FMN1: variants seen among roughly 807,000 people sequenced by gnomAD.
FMN1 encodes formin 1.
In FMN1, 110 loss-of-function variants were observed where a neutral mutation model predicts 132.4. The ratio of observed to expected loss-of-function variants is 0.83; its 90% CI spans 0.71 to 0.97. The LOEUF (loss-of-function observed/expected upper bound fraction) is 0.97. Ranked by LOEUF, FMN1 falls within the 50% of genes least tolerant of loss-of-function variation. The pLI, the probability that FMN1 is intolerant of heterozygous loss-of-function variation, is 0.00. For synonymous variants in FMN1, 722 were observed against 651.7 expected (o/e 1.11, Z -1.64); for missense variants, 1,792 against 1,705.3 (o/e 1.05, Z -0.90).
At chr15:32,921,692 TC>T (rs2060828367) in intron 10 of FMN1, among the ~76,000 whole-genome samples, 1 of 149,810 alleles carries the variant, frequency 6.7e-6, no homozygotes. Context: ...TTTTTTTTTT[TC>T]GAGATAAGAG....
chr15:33,097,089 T>C (rs2141394289), intron 4 of FMN1, among the ~76,000 whole-genome samples: 1 of 151,724 alleles, frequency 6.6e-6, no homozygotes, highest in East Asian at 1.9e-4. Flanking sequence ...AGCTCACGAG[T>C]TCAAGACCAG....
chr15:33,191,711 A>G (rs1190081957), intron 2 of FMN1, among the ~76,000 whole-genome samples: 2 of 152,208 alleles, frequency 1.3e-5, no homozygotes, highest in Non-Finnish European at 2.9e-5. Flanking sequence ...CCGCTTTAGT[A>G]ATTACTATTT....
intron 5 of FMN1, among the ~76,000 whole-genome samples, chr15:33,069,590 C>T (rs2037904321): frequency 2.0e-5 from 3 of 152,168 alleles, no homozygotes. Flanking sequence ...CCATGTTCTT[C>T]AGTACTAAAA....
chr15:32,941,924 G>A (rs187743049), intron 9 of FMN1, among the ~76,000 whole-genome samples: 13 of 152,288 alleles, frequency 8.5e-5, no homozygotes, highest in Admixed American at 5.2e-4. Flanking sequence ...AGAGTCAGCT[G>A]AACTTGGCAG....
intron 15 of FMN1, among the ~76,000 whole-genome samples, chr15:32,896,734 C>T (rs765162860): frequency 5.3e-5 from 8 of 152,106 alleles, no homozygotes; most frequent in African/African-American, 7.2e-5. Flanking sequence ...TTGCAGCATA[C>T]GACAGAATTT....
At chr15:32,788,748 C>G (rs1410849974) in intron 19 of FMN1, among the ~76,000 whole-genome samples, 1 of 152,222 alleles carries the variant, frequency 6.6e-6, no homozygotes, top group Non-Finnish European at 1.5e-5. Flanking sequence ...GACAGATGCT[C>G]TCTAAGGTTT....
Position 33,107,771 on chromosome 15 carries a change from G to A in FMN1, c.1868-18797C>T, listed in dbSNP as rs73378566. Among the ~76,000 whole-genome samples, 635 of 152,194 alleles carry A rather than the reference G, an allele frequency of 4.2e-3. 3 individuals carry two copies. Among genetic ancestry groups the A allele is most frequent in the African/African-American group, 0.015 (614 of 41,562 alleles). ...TTACCTGAAACTAAATAATGAATGAGTCTCAAAATCAACTCTAGCAATGCA... is the reference window on the plus strand; with the variant it reads ...TTACCTGAAACTAAATAATGAATGAATCTCAAAATCAACTCTAGCAATGCA... On this transcript the variant is annotated intron_variant, in intron 4 of 20. Transcript: ENST00000616417.
intron 17 of FMN1, among the ~76,000 whole-genome samples, chr15:32,821,128 G>A (rs1032796222): frequency 1.6e-5 from 2 of 125,990 alleles, no homozygotes; most frequent in African/African-American, 2.8e-5. Flanking sequence ...TTTTCTAAGA[G>A]ATAATCAGAT....
chr15:32,879,139 G>A (rs779931257), intron 16 of FMN1, among the ~76,000 whole-genome samples: 1 of 152,166 alleles, frequency 6.6e-6, no homozygotes, highest in African/African-American at 2.4e-5. Flanking sequence ...TCACCATGCC[G>A]ATCCACATTT....
chr15:32,884,256 C>T (rs936731378), intron 16 of FMN1, among the ~76,000 whole-genome samples: 11 of 152,300 alleles, frequency 7.2e-5, no homozygotes, highest in African/African-American at 2.6e-4. Flanking sequence ...GCTGACAGGG[C>T]TGTACTCCCT....
chr15:32,904,854 T>C (rs1471815383), intron 12 of FMN1, among the ~76,000 whole-genome samples: 2 of 152,148 alleles, frequency 1.3e-5, no homozygotes, highest in Non-Finnish European at 2.9e-5. Flanking sequence ...ATCTGACAAA[T>C]AGCTTCTCTT....
At chr15:32,965,209 C>A (rs1337453231) in intron 8 of FMN1, among the ~76,000 whole-genome samples, 1 of 152,024 alleles carries the variant, frequency 6.6e-6, no homozygotes, top group Non-Finnish European at 1.5e-5. Context: ...ACCAGCCTGG[C>A]CAACATGGTG....
At chr15:32,980,125 A>C (rs780677947) in intron 7 of FMN1, among the ~76,000 whole-genome samples, 1 of 152,266 alleles carries the variant, frequency 6.6e-6, no homozygotes, top group South Asian at 2.1e-4. Context: ...CCTCTAAAAG[A>C]AGCTAGGAGG....
rs776328615 is a variant in FMN1 at position 33,153,757 on chromosome 15, C to A, written c.1158G>T (p.Gln386His). 15 of 1,536,302 alleles carry A rather than the reference C, an allele frequency of 9.8e-6. No homozygotes were observed. Among genetic ancestry groups the A allele is most frequent in the Non-Finnish European group, 1.2e-5 (14 of 1,146,946 alleles). The change falls in exon 4 of 21, where the codon CAG becomes CAT. Residue 386 changes from glutamine to histidine, a missense_variant. Transcript: ENST00000616417. ...AEAGAHGSRR[Q>H]GKERQGDRSS... Reference sequence around the variant, plus strand: ...ACCTATCCCCTTGCCGCTCCTTGCCCTGCCGCCTGGAGCCATGAGCCCCAG... The same window carrying A: ...ACCTATCCCCTTGCCGCTCCTTGCCATGCCGCCTGGAGCCATGAGCCCCAG...
chr15:32,921,627 A>T (rs2060823966), intron 10 of FMN1, among the ~76,000 whole-genome samples: 1 of 151,410 alleles, frequency 6.6e-6, no homozygotes, highest in South Asian at 2.1e-4. Flanking sequence ...CTACCTTAAA[A>T]CAACCCACAT....
Position 33,153,847 on chromosome 15 carries a change from A to G in FMN1, c.1068T>C (p.Ile356=). The G allele has an allele frequency of 1.3e-6, 2 of 1,536,564 alleles. No individual in the cohort carries two copies. The highest frequency in any genetic ancestry group is 3.9e-5 in the Admixed American group (2 of 51,000). The change falls in exon 4 of 21, where the codon ATT becomes ATC. Residue 356 remains isoleucine, a synonymous_variant. Coordinates refer to ENST00000616417, the MANE Select transcript of FMN1 (RefSeq NM_001277313.2). ...CAAACTCAGCGTGGGCTGCTGGGCG[A>G]ATGGCAATCGTCTCCTTACCCTTAG... is the stretch of plus-strand genomic sequence containing the variant. ...THSKGKETIA[I]RPAAHAEFVP... is the part of the protein sequence containing the mutation.
Position 32,949,998 on chromosome 15 carries a change from C to CATACACATATATAT in FMN1, c.3138+14095_3138+14108dup, listed in dbSNP as rs2061602698. On this transcript the variant is annotated intron_variant, in intron 9 of 20. Coordinates refer to ENST00000616417, the MANE Select transcript of FMN1 (RefSeq NM_001277313.2). ...ATATATACACACACATATATATACA[C>CATACACATATATAT]ATACACATATATATATACACATATA... Among the ~76,000 whole-genome samples, 5 of 6,540 alleles carry CATACACATATATAT rather than the reference C, an allele frequency of 7.6e-4. 2 individuals carry two copies. The highest frequency in any genetic ancestry group is 1.4e-3 in the Non-Finnish European group (4 of 2,934). The allele number at this position is 6,540 out of a possible 152,430, so 4.3% of individuals were successfully genotyped here. A position where few individuals can be genotyped will look rare whatever the true frequency, so the allele number is the denominator to read the frequency against.
intron 4 of FMN1, among the ~76,000 whole-genome samples, chr15:33,127,120 T>A (rs1963159995): frequency 6.6e-6 from 1 of 152,180 alleles, no homozygotes; most frequent in Admixed American, 6.5e-5. Flanking sequence ...CGAGATAGCA[T>A]CCTGTTAACA....
At chr15:33,128,212 C>CA (rs1963301280) in intron 4 of FMN1, among the ~76,000 whole-genome samples, 1 of 152,076 alleles carries the variant, frequency 6.6e-6, no homozygotes, top group East Asian at 1.9e-4. Context: ...AAGCAAAAAG[C>CA]AGACTTACGA....
Sources: allele counts gnomAD v4.1 joint callset (sites outside exome capture counted in the v4.1 genomes callset), GRCh38; gene constraint gnomAD v4.1.1; transcripts MANE v1.5; gene names NCBI Gene and HGNC (gene_info 2026-07-23, HGNC 2026-07-21).